The following CEP85L variants were observed in gnomAD, a reference collection of about 807,000 sequenced individuals.
The protein encoded by CEP85L is centrosomal protein 85L, also known as centrosomal protein of 85 kDa-like.
Under a neutral mutation model 100.3 loss-of-function variants are expected in CEP85L, and 60 were observed. The ratio of observed to expected loss-of-function variants is 0.60; its 90% CI spans 0.49 to 0.74. CEP85L has a LOEUF of 0.74. Among genes scored for constraint, CEP85L ranks in the 30% least tolerant of loss-of-function variants. The pLI is 0.00. For synonymous variants in CEP85L, 319 were observed against 322.7 expected, an observed-to-expected ratio of 0.99 and a Z score of 0.12; for missense variants, 973 against 936.2, an observed-to-expected ratio of 1.04 and a Z score of -0.51.
intron 2 of CEP85L, among the ~76,000 whole-genome samples, chr6:118,576,420 C>T (rs897628548): frequency 4.6e-5 from 7 of 152,246 alleles, no homozygotes; most frequent in African/African-American, 1.7e-4. Flanking sequence ...CCACCTCTGG[C>T]AAAGTCATGG....
chr6:118,584,093 C>T (rs1315157499), intron 2 of CEP85L, among the ~76,000 whole-genome samples: 2 of 152,168 alleles, frequency 1.3e-5, no homozygotes, highest in Non-Finnish European at 2.9e-5. Context: ...GTCACAAGAC[C>T]TCTCTGAGTT....
intron 1 of CEP85L, among the ~76,000 whole-genome samples, chr6:118,698,028 C>G (rs1192551206): frequency 6.6e-6 from 1 of 152,140 alleles, no homozygotes; most frequent in Non-Finnish European, 1.5e-5. Context: ...CCACTGGGTC[C>G]TAAGGGCCAT....
intron 4 of CEP85L, among the ~76,000 whole-genome samples, chr6:118,511,872 A>G (rs1775991859): frequency 6.6e-6 from 1 of 152,108 alleles, no homozygotes; most frequent in African/African-American, 2.4e-5. Flanking sequence ...GCTAACCTTT[A>G]AGAAAATCCA....
chr6:118,709,285 C>T (rs982636341), intron 1 of CEP85L, among the ~76,000 whole-genome samples: 1 of 152,130 alleles, frequency 6.6e-6, no homozygotes, highest in African/African-American at 2.4e-5. Context: ...CTACATTTGC[C>T]CATTTCCTCA....
intron 4 of CEP85L, among the ~76,000 whole-genome samples, chr6:118,521,438 T>C (rs1412932139): frequency 6.6e-6 from 1 of 152,212 alleles, no homozygotes; most frequent in African/African-American, 2.4e-5. Flanking sequence ...TCAAAAACTT[T>C]ATAATAAACT....
intron 5 of CEP85L, among the ~76,000 whole-genome samples, chr6:118,507,473 T>C (rs1162640764): frequency 1.3e-5 from 2 of 152,124 alleles, no homozygotes; most frequent in African/African-American, 4.8e-5. Context: ...CTAGGATACT[T>C]TGGAGGTGAA....
chr6:118,531,561 C>T (rs545803647), intron 3 of CEP85L, among the ~76,000 whole-genome samples: 1 of 152,064 alleles, frequency 6.6e-6, no homozygotes, highest in Non-Finnish European at 1.5e-5. Context: ...AAACTATCAA[C>T]AGAATAAACA....
upstream of CEP85L, among the ~76,000 whole-genome samples, chr6:118,654,632 ACT>A (rs1775712877): frequency 6.6e-6 from 1 of 152,092 alleles, no homozygotes; most frequent in Non-Finnish European, 1.5e-5. Context: ...TTAAAAAAAC[ACT>A]CTTTCTTTTG....
intron 1 of CEP85L, among the ~76,000 whole-genome samples, chr6:118,702,567 G>A (rs186606555): frequency 1.3e-5 from 2 of 152,330 alleles, no homozygotes; most frequent in East Asian, 1.9e-4. Flanking sequence ...AATGAAATAA[G>A]TGGGAGAAAA....
intron 5 of CEP85L, among the ~76,000 whole-genome samples, chr6:118,510,617 C>T (rs953223225): frequency 2.6e-5 from 4 of 151,990 alleles, no homozygotes; most frequent in Non-Finnish European, 5.9e-5. Flanking sequence ...GGGAGTGGGA[C>T]GGTGAGAGTT....
chr6:118,599,647 T>C (rs1042810301), intron 2 of CEP85L, among the ~76,000 whole-genome samples: 3 of 152,298 alleles, frequency 2.0e-5, no homozygotes, highest in South Asian at 2.1e-4. Context: ...TACTGTTTTA[T>C]AGAAGAGAAA....
At chr6:118,558,067 C>T (rs763079146) in intron 3 of CEP85L, among the ~76,000 whole-genome samples, 4 of 151,614 alleles carry the variant, frequency 2.6e-5, no homozygotes, top group Non-Finnish European at 5.9e-5. Context: ...TGGGCTCCAG[C>T]GATCCTCCCA....
intron 1 of CEP85L, among the ~76,000 whole-genome samples, chr6:118,672,668 A>G (rs1776344856): frequency 6.6e-6 from 1 of 152,168 alleles, no homozygotes; most frequent in Non-Finnish European, 1.5e-5. Context: ...CAGGAAGCTG[A>G]GACAGGAGAA....
intron 5 of CEP85L, 98 bp from the exon 6 acceptor site, chr6:118,491,963 G>T: frequency 1.3e-6 from 1 of 798,944 alleles, no homozygotes; most frequent in Non-Finnish European, 1.9e-6. Context: ...AGTACATATA[G>T]GCTACATGAA....
chr6:118,631,582 T>C (rs1002522086), intron 2 of CEP85L, among the ~76,000 whole-genome samples: 1 of 152,190 alleles, frequency 6.6e-6, no homozygotes, highest in South Asian at 2.1e-4. Flanking sequence ...TGTTTTTCAA[T>C]AGGTAAATGG....
chr6:118,628,943 G>C (rs1467624024), intron 2 of CEP85L, among the ~76,000 whole-genome samples: 1 of 152,078 alleles, frequency 6.6e-6, no homozygotes, highest in Non-Finnish European at 1.5e-5. Flanking sequence ...AAGAGAATAA[G>C]ACAAGCCACA....
At chr6:118,518,352 T>C (rs916478721) in intron 4 of CEP85L, among the ~76,000 whole-genome samples, 81 of 152,360 alleles carry the variant, frequency 5.3e-4, no homozygotes, top group African/African-American at 1.9e-3. Context: ...TGTGAATCTG[T>C]CTGGTCTTGG....
chr6:118,564,762 A>G (rs1412419738), intron 3 of CEP85L, among the ~76,000 whole-genome samples: 1 of 152,178 alleles, frequency 6.6e-6, no homozygotes, highest in Non-Finnish European at 1.5e-5. Flanking sequence ...TTGTTTCAGA[A>G]AATTCTGATG....
At chr6:118,657,983 CA>C (rs1194169343) in intron 1 of CEP85L, among the ~76,000 whole-genome samples, 1 of 151,846 alleles carries the variant, frequency 6.6e-6, no homozygotes, top group East Asian at 1.9e-4. Flanking sequence ...TTTTTTATTC[CA>C]AAGAATTTTC....
Sources: allele counts gnomAD v4.1 joint callset (sites outside exome capture counted in the v4.1 genomes callset), GRCh38; gene constraint gnomAD v4.1.1; transcripts MANE v1.5; gene names NCBI Gene and HGNC (gene_info 2026-07-23, HGNC 2026-07-21).